YWHAQ: variants seen among roughly 807,000 people sequenced by gnomAD.
The protein encoded by YWHAQ is 14-3-3 protein theta.
Under a neutral mutation model 28.3 loss-of-function variants are expected in YWHAQ, and 6 were observed. The ratio of observed to expected loss-of-function variants is 0.21; its 90% confidence interval spans 0.12 to 0.42. YWHAQ has a LOEUF of 0.42. Among genes scored for constraint, YWHAQ ranks in the 10% least tolerant of loss-of-function variants. The pLI is 1.00. For missense variants in YWHAQ, 201 were observed against 305.6 expected (o/e 0.66, Z 2.55); for synonymous variants, 143 against 119.1 (o/e 1.20, Z -1.31).
intron 2 of YWHAQ, among the ~76,000 whole-genome samples, chr2:9,601,003 C>G (rs897779212): frequency 1.3e-5 from 2 of 152,180 alleles, no homozygotes; most frequent in African/African-American, 2.4e-5. Context: ...GACTTTTATA[C>G]ACTGTAGGGA....
At chr2:9,620,337 G>A (rs1667119375) in intron 2 of YWHAQ, among the ~76,000 whole-genome samples, 1 of 152,168 alleles carries the variant, frequency 6.6e-6, no homozygotes, top group African/African-American at 2.4e-5. Context: ...ATGACAAAGA[G>A]ATCATGAAAT....
At chr2:9,611,066 C>T (rs1362043392) in intron 2 of YWHAQ, among the ~76,000 whole-genome samples, 2 of 152,174 alleles carry the variant, frequency 1.3e-5, no homozygotes, top group African/African-American at 4.8e-5. Context: ...ACTTTGAGAA[C>T]ATATATTTCC....
chr2:9,620,258 T>A (rs1025484316), intron 2 of YWHAQ, among the ~76,000 whole-genome samples: 1 of 152,084 alleles, frequency 6.6e-6, no homozygotes, highest in Non-Finnish European at 1.5e-5. Flanking sequence ...AAATGAAGAG[T>A]ATCGTACAGA....
intron 2 of YWHAQ, among the ~76,000 whole-genome samples, chr2:9,606,405 AAAT>A (rs1463594911): frequency 3.3e-5 from 1 of 30,302 alleles, no homozygotes; most frequent in East Asian, 2.5e-4. Context: ...GTCTCTACTA[AAAT>A]AAAAATAAAA....
intron 2 of YWHAQ, among the ~76,000 whole-genome samples, chr2:9,619,200 T>C (rs1667092859): frequency 6.6e-6 from 1 of 152,194 alleles, no homozygotes; most frequent in Non-Finnish European, 1.5e-5. Flanking sequence ...AGCAGAAATG[T>C]TCAGAAACCT....
At chr2:9,626,326 T>C (rs555473336) in intron 2 of YWHAQ, among the ~76,000 whole-genome samples, 4 of 152,350 alleles carry the variant, frequency 2.6e-5, no homozygotes, top group Non-Finnish European at 5.9e-5. Flanking sequence ...TGTTCCCAAG[T>C]CCCAGAAGAG....
chr2:9,610,845 C>T (rs1044480972), intron 2 of YWHAQ, among the ~76,000 whole-genome samples: 1 of 152,094 alleles, frequency 6.6e-6, no homozygotes, highest in Non-Finnish European at 1.5e-5. Context: ...CTTCCTGACA[C>T]GATCTACTAT....
chr2:9,613,633 C>G (rs115507412), intron 2 of YWHAQ, among the ~76,000 whole-genome samples: 1 of 152,194 alleles, frequency 6.6e-6, no homozygotes, highest in Non-Finnish European at 1.5e-5. Context: ...AAATATTTCT[C>G]GACATCTTTT....
chr2:9,605,599 C>T (rs989492060), intron 2 of YWHAQ, among the ~76,000 whole-genome samples: 4 of 152,118 alleles, frequency 2.6e-5, no homozygotes, highest in African/African-American at 7.2e-5. Context: ...CTCAATGCAT[C>T]GCCCATGCTG....
chr2:9,609,280 G>C (rs1666897592), intron 2 of YWHAQ, among the ~76,000 whole-genome samples: 1 of 152,006 alleles, frequency 6.6e-6, no homozygotes. Flanking sequence ...GGGAGAAGCG[G>C]AAGGGCTTTT....
chr2:9,619,472 C>G lies in YWHAQ; in HGVS notation c.294+10687G>C, dbSNP rs1362924331. 2.0e-5 allele frequency among the ~76,000 whole-genome samples: 3 copies of G among 151,880 alleles called. 1 individual carries two copies. Among genetic ancestry groups the G allele is most frequent in the African/African-American group, 7.3e-5 (3 of 41,308 alleles). The stretch of plus-strand genomic sequence containing the variant: ...TAAATGTTATATGTGCACTTCAGCC[C>G]AGGAGGCAGAGGTTGCAGTGAACTG... On this transcript the variant is annotated intron_variant, in intron 2 of 5. Transcript: ENST00000238081.
chr2:9,624,828 CCT>C (rs1328958715), intron 2 of YWHAQ, among the ~76,000 whole-genome samples: 3 of 151,930 alleles, frequency 2.0e-5, no homozygotes, highest in Non-Finnish European at 2.9e-5. Context: ...CTCACTGCAA[CCT>C]CTGTCTCCCC....
At chr2:9,621,701 T>C (rs1337507899) in intron 2 of YWHAQ, among the ~76,000 whole-genome samples, 1 of 152,120 alleles carries the variant, frequency 6.6e-6, no homozygotes, top group East Asian at 1.9e-4. Context: ...AACTAAAGAA[T>C]ACAATTATCC....
chr2:9,590,759 G>A (rs564997632), intron 3 of YWHAQ, among the ~76,000 whole-genome samples: 2 of 151,882 alleles, frequency 1.3e-5, no homozygotes, highest in South Asian at 4.2e-4. Flanking sequence ...CTATTTTTAT[G>A]ACCACTACTT....
intron 2 of YWHAQ, among the ~76,000 whole-genome samples, chr2:9,602,929 C>T (rs1666745823): frequency 8.1e-6 from 1 of 123,868 alleles, no homozygotes; most frequent in African/African-American, 3.0e-5. Flanking sequence ...TGCTATGTTG[C>T]CTAGGCTGGT....
chr2:9,602,852 A>ATGT (rs1666733744), intron 2 of YWHAQ, among the ~76,000 whole-genome samples: 1 of 14,308 alleles, frequency 7.0e-5, no homozygotes, highest in Non-Finnish European at 1.6e-4. Context: ...AAAAAAAAAA[A>ATGT]AAAAAAAAAA....
At chr2:9,588,052 T>G in intron 4 of YWHAQ, 113 bp downstream of exon 4, 4 of 1,280,534 alleles carry the variant, frequency 3.1e-6, no homozygotes, top group Non-Finnish European at 4.2e-6. Flanking sequence ...GATTTCAAAA[T>G]AAATATAGTA....
At chr2:9,591,962 A>C (rs146405472) in intron 2 of YWHAQ, among the ~76,000 whole-genome samples, 177 of 152,348 alleles carry the variant, frequency 1.2e-3, no homozygotes, top group Middle Eastern at 3.4e-3. Flanking sequence ...AAGCACACAG[A>C]TGGAGTAGCT....
chr2:9,617,401 T>A (rs1379977886), intron 2 of YWHAQ, among the ~76,000 whole-genome samples: 1 of 152,110 alleles, frequency 6.6e-6, no homozygotes, highest in Non-Finnish European at 1.5e-5. Flanking sequence ...ATAATTCCAC[T>A]TATATGAGGT....
Sources: gnomAD v4.1 joint callset for allele counts (sites outside exome capture counted in the v4.1 genomes callset) on GRCh38, gnomAD v4.1.1 for gene constraint, MANE v1.5 for transcripts, NCBI Gene and HGNC (gene_info 2026-07-23, HGNC 2026-07-21) for gene names.